MSLN: variants seen among roughly 807,000 people sequenced by gnomAD.
MSLN encodes CAK1 antigen.
MSLN carries 82 observed loss-of-function variants against 72.6 expected under a neutral mutation model. That is an observed-to-expected ratio of 1.13 (90% CI 0.94 to 1.36). The LOEUF (loss-of-function observed/expected upper bound fraction) is 1.36, where lower values mean the gene tolerates loss of function less well. Among genes scored for constraint, MSLN ranks in the 40% most tolerant of loss-of-function variants. The pLI is 0.00. For missense variants in MSLN, 1,005 were observed against 847.9 expected, an observed-to-expected ratio of 1.19 and a Z score of -2.30; for synonymous variants, 456 against 387.3, an observed-to-expected ratio of 1.18 and a Z score of -2.08.
chr16:768,058 AGGGGCACATGGAGGGG>A (rs1352217917), intron 16 of MSLN, among the ~76,000 whole-genome samples: 6 of 49,450 alleles, frequency 1.2e-4, no homozygotes, highest in South Asian at 9.9e-4. Flanking sequence ...CGCGTGGAGG[AGGGGCACATGGAGGGG>A]GGGGCAAGTG....
At chr16:767,107 T>C (rs2041625786) in intron 15 of MSLN, 95 bp downstream of exon 15, 1 of 1,571,034 alleles carries the variant, frequency 6.4e-7, no homozygotes, top group Admixed American at 1.7e-5. Flanking sequence ...CCGGGCCGTC[T>C]GCTGCCAGGG....
rs1305313101 is a variant in MSLN, at chr16:768,367, G to A, written c.1597-12G>A. ...GAGACCCTCCTTGATGGCTGCCCGG[G>A]GTCTCTGGCAGCCGTTGACTGTGGC... On this transcript the variant is annotated splice_polypyrimidine_tract_variant and intron_variant, in intron 16 of 17. Transcript: ENST00000545450. The A allele has an allele frequency of 6.7e-7, 1 of 1,501,910 alleles. No individual in the cohort carries two copies. Among genetic ancestry groups the A allele is most frequent in the East Asian group, 2.3e-5 (1 of 43,698 alleles). The allele number at this position is 1,501,910 out of a possible 1,614,324, so 93.0% of individuals were successfully genotyped here.
In MSLN at chr16:768,673, C is replaced by A; in HGVS notation, c.1809C>A (p.Leu603=). The A allele has an allele frequency of 1.2e-6, 2 of 1,611,048 alleles. No individual in the cohort carries two copies. Among genetic ancestry groups the A allele is most frequent in the South Asian group, 2.2e-5 (2 of 91,082 alleles). ...MQEALSGTPC[L]LGPGPVLTVL... ...AGGCCCTCTCGGGGACGCCCTGCCTCCTAGGACCTGGACCTGTTCTCACCG... is the reference window on the plus strand; with the variant it reads ...AGGCCCTCTCGGGGACGCCCTGCCTACTAGGACCTGGACCTGTTCTCACCG... The change falls in exon 18 of 18, where the codon CTC becomes CTA. Residue 603 remains leucine (L), a synonymous_variant. Coordinates refer to ENST00000545450, the MANE Select transcript of MSLN (RefSeq NM_005823.6).
chr16:763,591 C>A, intron 4 of MSLN, 51 bp from the exon 5 acceptor site: 2 of 1,539,432 alleles, frequency 1.3e-6, no homozygotes, highest in Non-Finnish European at 1.8e-6. Context: ...CTGGGAACTC[C>A]TGCTCCAGAG....
At chr16:762,184 C>T (rs1358590339) in intron 2 of MSLN, among the ~76,000 whole-genome samples, 2 of 152,216 alleles carry the variant, frequency 1.3e-5, no homozygotes, top group Admixed American at 1.3e-4. Flanking sequence ...GCCCGCAGTG[C>T]CCCTCCTGCC....
rs369087429 is a variant in MSLN, at chr16:762,729, G to C, written c.49G>C (p.Ala17Pro). Reference protein sequence around the residue: ...RPLLGSCGTPALGSLLFLLFS... With the variant: ...RPLLGSCGTPPLGSLLFLLFS... Reference sequence around the variant, plus strand: ...CCTGTTGGGGTCCTGTGGGACCCCCGCCCTCGGCAGCCTCCTGTTCCTGCT... The same window carrying C: ...CCTGTTGGGGTCCTGTGGGACCCCCCCCCTCGGCAGCCTCCTGTTCCTGCT... The change falls in exon 3 of 18, where the codon GCC (alanine) becomes CCC (proline). Residue 17 changes from alanine to proline, a missense_variant. By Grantham distance (27) the Ala-to-Pro change is conservative. Transcript: ENST00000545450. The C allele has an allele frequency of 2.1e-5, 34 of 1,602,582 alleles. No homozygotes were observed. The highest frequency in any genetic ancestry group is 2.9e-5 in the Non-Finnish European group (34 of 1,175,782).
intron 7 of MSLN, 30 bp downstream of exon 7, chr16:764,756 C>CG (rs1567356663): frequency 6.3e-7 from 1 of 1,577,728 alleles, no homozygotes; most frequent in African/African-American, 1.4e-5. Flanking sequence ...CCCACCCCCC[C>CG]GGCTTTTGCC....
At chr16:765,952 C>G (rs2041601925) in intron 11 of MSLN, 107 bp from the exon 12 acceptor site, 1 of 1,361,458 alleles carries the variant, frequency 7.3e-7, no homozygotes, top group East Asian at 2.5e-5. Context: ...TAAACTGAGG[C>G]ACAGGGAGGG....
chr16:765,905 TCA>T (rs1393090260), intron 11 of MSLN, 115 bp downstream of exon 11: 1 of 1,325,402 alleles, frequency 7.5e-7, no homozygotes, highest in East Asian at 2.5e-5. Context: ...CCCATTATAA[TCA>T]CAGAGAGTGG....
rs2041622345 is a variant in MSLN, at chr16:766,930, G to A, written c.1419G>A (p.Leu473=). The part of the protein sequence containing the change: ...QDLDTCDPRQ[L]DVLYPKARLA... ...TGGACACGTGTGACCCAAGGCAGCT[G>A]GACGTCCTCTATCCCAAGGCCCGCC... Residue 473 remains leucine (L), a synonymous_variant, in exon 15 of 18, where the codon CTG becomes CTA. Coordinates refer to ENST00000545450, the MANE Select transcript of MSLN (RefSeq NM_005823.6). 6.2e-7 allele frequency: 1 copy of A among 1,612,652 alleles called. No individual in the cohort carries two copies. The highest frequency in any genetic ancestry group is 8.5e-7 in the Non-Finnish European group (1 of 1,179,878).
chr16:768,784 C>G lies in MSLN; in HGVS notation c.*51C>G, dbSNP rs2041679159. 1 of 1,574,488 alleles carries G rather than the reference C, an allele frequency of 6.4e-7. No homozygotes were observed. The highest frequency in any genetic ancestry group is 2.2e-5 in the East Asian group (1 of 44,640). ...GCCCTGCTGGGGATCCCCGCCTGGCCAGGAGCAGGCACGGGTGGTCCCCGT... is the reference window on the plus strand; with the variant it reads ...GCCCTGCTGGGGATCCCCGCCTGGCGAGGAGCAGGCACGGGTGGTCCCCGT... On this transcript the variant is annotated 3_prime_UTR_variant, in exon 18 of 18. Coordinates refer to ENST00000545450, the MANE Select transcript of MSLN (RefSeq NM_005823.6).
At chr16:763,355 T>G in intron 4 of MSLN, 79 bp downstream of exon 4, 2 of 1,216,116 alleles carry the variant, frequency 1.6e-6, no homozygotes, top group Non-Finnish European at 2.3e-6. Context: ...CTCTGTCACG[T>G]ATCCACGGTG....
At chr16:768,329 G>A in intron 16 of MSLN, 50 bp from the exon 17 acceptor site, 2 of 1,478,938 alleles carry the variant, frequency 1.4e-6, no homozygotes, top group Non-Finnish European at 1.8e-6. Flanking sequence ...CCCTCTGGCG[G>A]CGCTGAGGGA....
At chr16:764,875 T>C (rs1353061596) in intron 7 of MSLN, 32 bp from the exon 8 acceptor site, 1 of 1,606,820 alleles carries the variant, frequency 6.2e-7, no homozygotes, top group Non-Finnish European at 8.5e-7. Context: ...GTGTGATCAG[T>C]GCGGCCTGTC....
intron 4 of MSLN, 117 bp downstream of exon 4, chr16:763,393 C>A: frequency 2.0e-6 from 2 of 978,360 alleles, no homozygotes; most frequent in Non-Finnish European, 3.1e-6. Context: ...TCCTTGCTTG[C>A]AAAGGGGCAC....
chr16:765,841 G>T (rs376495099), intron 11 of MSLN, 51 bp downstream of exon 11: 87 of 1,543,622 alleles, frequency 5.6e-5, no homozygotes, highest in Admixed American at 1.6e-4. Flanking sequence ...AGCACCCCTG[G>T]GGGTGGGCAT....
In MSLN at chr16:766,733, C is replaced by G; in HGVS notation, c.1296C>G (p.Thr432=). ...RGQLDKDTLD[T]LTAFYPGYLC... Reference sequence around the variant, plus strand: ...AGCTAGACAAAGACACCCTAGACACCCTGACCGCCTTCTACCCTGGGTACC... The same window carrying G: ...AGCTAGACAAAGACACCCTAGACACGCTGACCGCCTTCTACCCTGGGTACC... The change falls in exon 14 of 18, where the codon ACC becomes ACG. Residue 432 remains threonine (T), a synonymous_variant. Transcript: ENST00000545450. 1 of 1,612,666 alleles carries G rather than the reference C, an allele frequency of 6.2e-7. No individual in the cohort carries two copies. The highest frequency in any genetic ancestry group is 1.1e-5 in the South Asian group (1 of 91,086).
chr16:763,121 G>C (rs2041557079), intron 3 of MSLN, 112 bp from the exon 4 acceptor site: 1 of 692,022 alleles, frequency 1.4e-6, no homozygotes, highest in African/African-American at 1.8e-5. Flanking sequence ...TCTTTGGGGT[G>C]TGCACAGGGC....
In MSLN at chr16:765,090, T is replaced by C. The variant is rs571204638; in HGVS notation, c.511-20T>C. 2.5e-6 allele frequency: 4 copies of C among 1,605,836 alleles called. No individual in the cohort carries two copies. Among genetic ancestry groups the C allele is most frequent in the Admixed American group, 1.7e-5 (1 of 59,762 alleles). On this transcript the variant is annotated intron_variant, in intron 8 of 17. Transcript: ENST00000545450. ...GAGGGCTCGGCAGTTCCAAAAGCGCTGAGGCCAGCCTCTCTGCAGGGTGTG... is the reference window on the plus strand; with the variant it reads ...GAGGGCTCGGCAGTTCCAAAAGCGCCGAGGCCAGCCTCTCTGCAGGGTGTG...
Sources: gnomAD v4.1 joint callset for allele counts (sites outside exome capture counted in the v4.1 genomes callset) on GRCh38, gnomAD v4.1.1 for gene constraint, MANE v1.5 for transcripts, NCBI Gene and HGNC (gene_info 2026-07-23, HGNC 2026-07-21) for gene names.